PLEKHM3: variants seen among roughly 807,000 people sequenced by gnomAD.
PLEKHM3 encodes the protein pleckstrin homology domain-containing family M member 3.
In PLEKHM3, 45 loss-of-function variants were observed where a neutral mutation model predicts 81.8. The ratio of observed to expected loss-of-function variants is 0.55; its 90% confidence interval spans 0.43 to 0.71. The LOEUF is 0.71. PLEKHM3 is among the 30% of genes least tolerant of loss of function. The pLI is 0.00. For synonymous variants in PLEKHM3, 352 were observed against 356.4 expected, an observed-to-expected ratio of 0.99 and a Z score of 0.14; for missense variants, 788 against 924.3, an observed-to-expected ratio of 0.85 and a Z score of 1.91.
intron 7 of PLEKHM3, among the ~76,000 whole-genome samples, chr2:207,845,789 G>T (rs1213883747): frequency 6.6e-6 from 1 of 152,220 alleles, no homozygotes; most frequent in East Asian, 1.9e-4. Context: ...GTTACTAAGT[G>T]TTGTCTTAGA....
intron 6 of PLEKHM3, among the ~76,000 whole-genome samples, chr2:207,890,333 T>C (rs905662968): frequency 2.6e-5 from 4 of 152,046 alleles, no homozygotes; most frequent in African/African-American, 9.7e-5. Context: ...AATAACTTAC[T>C]ACTAAAGAAT....
chr2:207,840,816 T>A (rs1046586862), intron 7 of PLEKHM3, among the ~76,000 whole-genome samples: 2 of 146,768 alleles, frequency 1.4e-5, no homozygotes, highest in South Asian at 2.2e-4. Flanking sequence ...TTTTTTTTTT[T>A]TTTTTTGAGA....
At chr2:207,941,979 G>A (rs1005213512) in intron 4 of PLEKHM3, among the ~76,000 whole-genome samples, 1 of 152,178 alleles carries the variant, frequency 6.6e-6, no homozygotes, top group Non-Finnish European at 1.5e-5. Flanking sequence ...ATGCTGGTGA[G>A]GATGTGGAGA....
chr2:207,905,312 A>C (rs1688566266), intron 6 of PLEKHM3, among the ~76,000 whole-genome samples: 1 of 152,192 alleles, frequency 6.6e-6, no homozygotes, highest in Non-Finnish European at 1.5e-5. Context: ...CAGGGAAAAT[A>C]ATTTACTCTA....
intron 6 of PLEKHM3, among the ~76,000 whole-genome samples, chr2:207,862,858 T>C (rs1252321247): frequency 6.6e-6 from 1 of 152,150 alleles, no homozygotes; most frequent in Non-Finnish European, 1.5e-5. Flanking sequence ...GAATGATCCA[T>C]GTTTTAGAAA....
intron 6 of PLEKHM3, among the ~76,000 whole-genome samples, chr2:207,888,071 C>T (rs952784907): frequency 1.3e-5 from 2 of 152,082 alleles, no homozygotes; most frequent in South Asian, 4.2e-4. Flanking sequence ...TTCTCGGTGA[C>T]ATCTTTACCA....
chr2:207,949,720 T>C (rs1354417568), intron 3 of PLEKHM3, among the ~76,000 whole-genome samples: 1 of 152,148 alleles, frequency 6.6e-6, no homozygotes, highest in Non-Finnish European at 1.5e-5. Flanking sequence ...AAGGTGACCA[T>C]GATATTGCAG....
chr2:208,018,864 C>T (rs1311467235), intron 1 of PLEKHM3, among the ~76,000 whole-genome samples: 1 of 152,068 alleles, frequency 6.6e-6, no homozygotes. Context: ...CCTCACCCCA[C>T]ACCCACTCCC....
chr2:207,927,487 G>T (rs1216671326), intron 5 of PLEKHM3, among the ~76,000 whole-genome samples: 3 of 139,572 alleles, frequency 2.1e-5, no homozygotes, highest in African/African-American at 8.3e-5. Flanking sequence ...CTGCACTCCA[G>T]CCTGGGCGAT....
In PLEKHM3 at chr2:207,976,613, T is replaced by C; in HGVS notation, c.1546+38A>G. On this transcript the variant is annotated intron_variant, in intron 3 of 7. Transcript: ENST00000427836. The surrounding 1 kb of genome is among the most constrained non-coding windows in gnomAD (Gnocchi z 4.1). The stretch of plus-strand genomic sequence containing the variant: ...ATTCCAATTGTGGGGTTCAGGATTG[T>C]TCTTTAATGAGCTATAGGCTGAAAA... 1.9e-6 allele frequency: 3 copies of C among 1,567,836 alleles called. No individual in the cohort carries two copies. The highest frequency in any genetic ancestry group is 2.6e-6 in the Non-Finnish European group (3 of 1,153,600).
chr2:207,937,052 G>A (rs1203090358), intron 4 of PLEKHM3, among the ~76,000 whole-genome samples: 1 of 152,056 alleles, frequency 6.6e-6, no homozygotes, highest in African/African-American at 2.4e-5. Flanking sequence ...GGAGTGTTTT[G>A]GTTGCCTCTG....
At chr2:207,844,083 GA>G (rs1173536623) in intron 7 of PLEKHM3, among the ~76,000 whole-genome samples, 32 of 143,740 alleles carry the variant, frequency 2.2e-4, no homozygotes, top group Admixed American at 7.0e-4. Context: ...ACCCTGTCTC[GA>G]AAAAAAAAAA....
chr2:207,885,212 C>T (rs1687851543), intron 6 of PLEKHM3, among the ~76,000 whole-genome samples: 2 of 152,340 alleles, frequency 1.3e-5, no homozygotes, highest in South Asian at 2.1e-4. Flanking sequence ...GCAGTGACTA[C>T]GGCAGTGATC....
chr2:207,874,637 G>A (rs556438151), intron 6 of PLEKHM3, among the ~76,000 whole-genome samples: 2 of 151,886 alleles, frequency 1.3e-5, no homozygotes, highest in Admixed American at 1.3e-4. Flanking sequence ...TGTCGCCCAG[G>A]CTGGAGTGCA....
intron 7 of PLEKHM3, chr2:207,852,894 C>T (rs1028929542): frequency 4.8e-6 from 2 of 414,732 alleles, no homozygotes; most frequent in Non-Finnish European, 9.2e-6. Context: ...ACACAGAGCT[C>T]CCTAATACTT....
At chr2:207,855,261 A>G (rs1029989227) in intron 7 of PLEKHM3, among the ~76,000 whole-genome samples, 1 of 152,100 alleles carries the variant, frequency 6.6e-6, no homozygotes, top group Admixed American at 6.6e-5. Context: ...AAATCCCATA[A>G]TGGGTGGGGT....
intron 2 of PLEKHM3, among the ~76,000 whole-genome samples, chr2:207,999,664 T>C (rs1692232481): frequency 6.6e-6 from 1 of 152,196 alleles, no homozygotes; most frequent in East Asian, 1.9e-4. Flanking sequence ...TTTACTCCCA[T>C]GGTCACTACC....
In PLEKHM3 at chr2:207,828,424, G is replaced by A; in HGVS notation, c.2181C>T (p.Arg727=). 6.2e-7 allele frequency: 1 copy of A among 1,614,018 alleles called. No homozygotes were observed. The highest frequency in any genetic ancestry group is 8.5e-7 in the Non-Finnish European group (1 of 1,180,016). The change falls in exon 8 of 8, where the codon CGC becomes CGT. Residue 727 remains arginine, a synonymous_variant. Coordinates refer to ENST00000427836, the MANE Select transcript of PLEKHM3 (RefSeq NM_001080475.3). Reference sequence around the variant, plus strand: ...ACTTCTGCTTCTTCTGCAGCTCTCGGCGAACACACCTCGGGCAGGGGACAG... The same window carrying A: ...ACTTCTGCTTCTTCTGCAGCTCTCGACGAACACACCTCGGGCAGGGGACAG... ...EKSVPCPRCV[R]RELQKKQKSF... is the part of the protein sequence containing the mutation.
chr2:207,920,708 T>C (rs1385205254), intron 5 of PLEKHM3, among the ~76,000 whole-genome samples: 1 of 151,356 alleles, frequency 6.6e-6, no homozygotes, highest in African/African-American at 2.4e-5. Context: ...TGGTGAGAAA[T>C]AGAGGGTAAT....
Sources: gnomAD v4.1 joint callset for allele counts (sites outside exome capture counted in the v4.1 genomes callset) on GRCh38, gnomAD v4.1.1 for gene constraint, Gnocchi (gnomAD v3.1) non-coding constraint, MANE v1.5 for transcripts, NCBI Gene and HGNC (gene_info 2026-07-23, HGNC 2026-07-21) for gene names.